The following KIAA1217 variants were observed in gnomAD, a reference collection of about 807,000 sequenced individuals.
KIAA1217 encodes the protein KIAA1217.
A neutral mutation model predicts 163.9 loss-of-function variants in KIAA1217; 88 were observed. The ratio of observed to expected loss-of-function variants is 0.54; its 90% confidence interval spans 0.45 to 0.64. KIAA1217 has a LOEUF of 0.64. Ranked by LOEUF, KIAA1217 falls within the 30% of genes least tolerant of loss-of-function variation. KIAA1217 has a pLI of 0.00. For synonymous variants in KIAA1217, 903 were observed against 923.1 expected, an observed-to-expected ratio of 0.98 and a Z score of 0.39; for missense variants, 2,372 against 2,475.0, an observed-to-expected ratio of 0.96 and a Z score of 0.88.
intron 2 of KIAA1217, among the ~76,000 whole-genome samples, chr10:24,306,181 T>C (rs899575136): frequency 3.3e-5 from 5 of 152,190 alleles, no homozygotes; most frequent in African/African-American, 9.7e-5. Context: ...ATGGTGTCTA[T>C]GAGAACATTT....
chr10:24,513,326 T>C lies in KIAA1217; in HGVS notation c.2069T>C (p.Met690Thr), dbSNP rs771739417. ...KAELEISGKV[M>T]ETMKRLEDPV... Reference sequence around the variant, plus strand: ...GAGCTGGAAATCAGTGGCAAAGTGATGGAAACAATGAAGAGACTGGAGGAT... The same window carrying C: ...GAGCTGGAAATCAGTGGCAAAGTGACGGAAACAATGAAGAGACTGGAGGAT... The change falls in exon 10 of 21, where the codon ATG (methionine) becomes ACG (threonine). Residue 690 changes from methionine to threonine, a missense_variant. Physicochemically the swap from Met to Thr is moderately conservative, Grantham distance 81. Coordinates refer to ENST00000376454, the MANE Select transcript of KIAA1217 (RefSeq NM_019590.5). 1.9e-6 allele frequency: 3 copies of C among 1,614,154 alleles called. No homozygotes were observed. Among genetic ancestry groups the C allele is most frequent in the South Asian group, 1.1e-5 (1 of 91,080 alleles).
intron 2 of KIAA1217, among the ~76,000 whole-genome samples, chr10:24,265,301 C>T (rs1266343711): frequency 6.6e-6 from 1 of 152,190 alleles, no homozygotes. Context: ...TTGATTAGGT[C>T]AAATAACAAT....
At chr10:23,925,821 T>G (rs1269705196) in intron 1 of KIAA1217, among the ~76,000 whole-genome samples, 1 of 152,106 alleles carries the variant, frequency 6.6e-6, no homozygotes, top group African/African-American at 2.4e-5. Flanking sequence ...GGGTCTGGGA[T>G]CCAAAGAGGC....
chr10:24,146,026 C>T (rs1217571189), intron 2 of KIAA1217, among the ~76,000 whole-genome samples: 1 of 152,190 alleles, frequency 6.6e-6, no homozygotes, highest in Non-Finnish European at 1.5e-5. Flanking sequence ...TCAATCCAAT[C>T]AAGTTGACAC....
intron 2 of KIAA1217, among the ~76,000 whole-genome samples, chr10:24,254,764 T>A (rs2074960400): frequency 6.6e-6 from 1 of 152,162 alleles, no homozygotes; most frequent in African/African-American, 2.4e-5. Flanking sequence ...TAGGTAAAGA[T>A]CTGTCTCTAA....
At chr10:23,703,518 A>C (rs200170309) in intron 1 of KIAA1217, among the ~76,000 whole-genome samples, 1 of 152,176 alleles carries the variant, frequency 6.6e-6, no homozygotes, top group East Asian at 1.9e-4. Context: ...GGGGGAAAAA[A>C]GCCCTGATTT....
chr10:24,098,215 C>A (rs1164129549), intron 2 of KIAA1217, among the ~76,000 whole-genome samples: 2 of 151,886 alleles, frequency 1.3e-5, no homozygotes, highest in African/African-American at 2.4e-5. Context: ...GTGTGGGACA[C>A]GAGGAGAAAT....
chr10:24,014,937 T>G (rs1337563817), intron 2 of KIAA1217, among the ~76,000 whole-genome samples: 1 of 151,974 alleles, frequency 6.6e-6, no homozygotes, highest in Non-Finnish European at 1.5e-5. Flanking sequence ...AAAATTAATA[T>G]AATATCTTCG....
At chr10:24,538,893 C>G (rs1171545769) in intron 17 of KIAA1217, among the ~76,000 whole-genome samples, 1 of 151,826 alleles carries the variant, frequency 6.6e-6, no homozygotes, top group African/African-American at 2.4e-5. Context: ...GCCACCATGC[C>G]TAGCTAATTT....
intron 17 of KIAA1217, among the ~76,000 whole-genome samples, chr10:24,540,176 G>C (rs182751574): frequency 1.3e-5 from 2 of 152,278 alleles, no homozygotes; most frequent in South Asian, 2.1e-4. Flanking sequence ...CTTTCCATTA[G>C]AGCATTTATG....
chr10:23,845,299 G>A (rs1838971125), intron 1 of KIAA1217, among the ~76,000 whole-genome samples: 1 of 152,134 alleles, frequency 6.6e-6, no homozygotes, highest in African/African-American at 2.4e-5. Flanking sequence ...CTAGATCCTT[G>A]AGGAATCACC....
chr10:23,864,078 ATT>A (rs1840072663), intron 1 of KIAA1217, among the ~76,000 whole-genome samples: 1 of 97,240 alleles, frequency 1.0e-5, no homozygotes, highest in African/African-American at 4.0e-5. Flanking sequence ...AGTAGTTATT[ATT>A]ATTATTATTA....
chr10:23,786,888 G>A (rs780533363), intron 1 of KIAA1217, among the ~76,000 whole-genome samples: 6 of 152,098 alleles, frequency 3.9e-5, no homozygotes, highest in African/African-American at 1.2e-4. Flanking sequence ...AACCTTTACC[G>A]ATCATGACAG....
intron 3 of KIAA1217, among the ~76,000 whole-genome samples, chr10:24,392,994 C>T (rs2055191827): frequency 6.6e-6 from 1 of 151,952 alleles, no homozygotes; most frequent in African/African-American, 2.4e-5. Context: ...AGCTAATTTT[C>T]AGATATGATC....
At chr10:24,481,507 T>G (rs918712112) in intron 6 of KIAA1217, 1 of 152,166 alleles carries the variant, frequency 6.6e-6, no homozygotes, top group Non-Finnish European at 1.5e-5. Flanking sequence ...CAGAGAAAGA[T>G]CTCTTCCCAG....
At chr10:23,822,776 T>C (rs1378593015) in intron 1 of KIAA1217, among the ~76,000 whole-genome samples, 2 of 152,174 alleles carry the variant, frequency 1.3e-5, no homozygotes, top group African/African-American at 4.8e-5. Flanking sequence ...CCACAGAGTT[T>C]TGTAAGAATA....
intron 2 of KIAA1217, among the ~76,000 whole-genome samples, chr10:24,267,310 G>A (rs1280663524): frequency 6.6e-6 from 1 of 152,222 alleles, no homozygotes; most frequent in African/African-American, 2.4e-5. Context: ...GGCAGAGACT[G>A]GCATACATAA....
At position 24,543,710 on chromosome 10, in the gene KIAA1217, A is replaced by AGAG. The variant is rs1252328934; in HGVS notation, c.4449_4451dup (p.Glu1487dup). 6.2e-7 allele frequency: 1 copy of AGAG among 1,613,724 alleles called. No individual in the cohort carries two copies. ...AGAGAATGATGATGGAGGAAAAGATAGAGGAGGAGGAAGAGGAGGAAAATG... is the reference window on the plus strand; with the variant it reads ...AGAGAATGATGATGGAGGAAAAGATAGAGGAGGAGGAGGAAGAGGAGGAAAATG... On this transcript the variant is annotated inframe_insertion, in exon 19 of 21. Transcript: ENST00000376454.
chr10:24,175,065 T>G (rs1438236944), intron 2 of KIAA1217, among the ~76,000 whole-genome samples: 2 of 152,200 alleles, frequency 1.3e-5, no homozygotes, highest in African/African-American at 2.4e-5. Context: ...TCTCACTATG[T>G]TGGCCAGCGT....
Sources: allele counts gnomAD v4.1 joint callset (sites outside exome capture counted in the v4.1 genomes callset), GRCh38; gene constraint gnomAD v4.1.1; transcripts MANE v1.5; gene names NCBI Gene and HGNC (gene_info 2026-07-23, HGNC 2026-07-21).